PIK3C2G: variants seen among roughly 807,000 people sequenced by gnomAD.
The protein encoded by PIK3C2G is phosphatidylinositol-4-phosphate 3-kinase catalytic subunit type 2 gamma, also known as phosphatidylinositol 3-kinase C2 domain-containing subunit gamma.
In PIK3C2G, 168 loss-of-function variants were observed where a neutral mutation model predicts 181.1. The ratio of observed to expected loss-of-function variants is 0.93; its 90% CI spans 0.82 to 1.05. The LOEUF (loss-of-function observed/expected upper bound fraction) is 1.05, where lower values mean the gene tolerates loss of function less well. PIK3C2G is among the 50% of genes least tolerant of loss of function. The pLI is 0.00. For missense variants in PIK3C2G, 1,869 were observed against 1,732.8 expected (o/e 1.08, Z -1.40); for synonymous variants, 573 against 592.2 (o/e 0.97, Z 0.47).
chr12:18,476,872 A>G (rs1163071052), intron 18 of PIK3C2G, among the ~76,000 whole-genome samples: 2 of 145,144 alleles, frequency 1.4e-5, no homozygotes, highest in South Asian at 2.1e-4. Flanking sequence ...GTCTGGATTG[A>G]AAAAAAAAAA....
At chr12:18,641,728 C>A (rs937271188) in intron 32 of PIK3C2G, among the ~76,000 whole-genome samples, 2 of 138,894 alleles carry the variant, frequency 1.4e-5, no homozygotes, top group African/African-American at 5.6e-5. Context: ...AAAACCCTGG[C>A]TTCTCTCTCT....
At chr12:18,723,573 T>G in the PIK3C2G span, 1 of 1,512,126 alleles carries the variant, frequency 6.6e-7, no homozygotes, top group Non-Finnish European at 9.2e-7. Context: ...GGGCTCACAT[T>G]GTGAGTATAA....
At chr12:18,339,073 C>T (rs1363620760) in intron 9 of PIK3C2G, among the ~76,000 whole-genome samples, 1 of 152,030 alleles carries the variant, frequency 6.6e-6, no homozygotes, top group South Asian at 2.1e-4. Flanking sequence ...GTGTGACTTT[C>T]TATGGATCCC....
the PIK3C2G span, chr12:18,684,060 A>AT: frequency 4.5e-6 from 7 of 1,548,014 alleles, no homozygotes; most frequent in African/African-American, 9.5e-5. Flanking sequence ...TGGTATGTCA[A>AT]AATGTGTCTT....
At chr12:18,613,207 C>T (rs1948431513) in intron 31 of PIK3C2G, among the ~76,000 whole-genome samples, 1 of 151,934 alleles carries the variant, frequency 6.6e-6, no homozygotes, top group African/African-American at 2.4e-5. Flanking sequence ...AGTTTCTAGG[C>T]TGCTCTCTTC....
In PIK3C2G at chr12:18,505,329, G is replaced by A. The variant is rs373022340; in HGVS notation, c.3191G>A (p.Cys1064Tyr). The A allele has an allele frequency of 4.7e-5, 75 of 1,611,836 alleles. No homozygotes were observed. The highest frequency in any genetic ancestry group is 6.0e-5 in the Non-Finnish European group (71 of 1,178,754). Reference sequence around the variant, plus strand: ...TTTTTCTACTCCTGTGCTGGCTGGTGTGTGGTAACATTCATCCTGGGAGTA... The same window carrying A: ...TTTTTCTACTCCTGTGCTGGCTGGTATGTGGTAACATTCATCCTGGGAGTA... Reference protein sequence around the residue: ...RNFFYSCAGWCVVTFILGVCD... With the variant: ...RNFFYSCAGWYVVTFILGVCD... The change falls in exon 24 of 33, where the codon TGT becomes TAT. Residue 1064 changes from cysteine to tyrosine, a missense_variant. Transcript: ENST00000538779.
intron 11 of PIK3C2G, among the ~76,000 whole-genome samples, chr12:18,352,955 G>C (rs1940366129): frequency 6.6e-6 from 1 of 152,142 alleles, no homozygotes; most frequent in South Asian, 2.1e-4. Context: ...GTGGACCCTG[G>C]GGTTTTTCTG....
At chr12:18,537,496 G>A (rs76287652) in intron 24 of PIK3C2G, among the ~76,000 whole-genome samples, 1,896 of 152,132 alleles carry the variant, frequency 0.012, 18 homozygotes, top group Non-Finnish European at 0.019. Context: ...GGGGACGTGG[G>A]ACCATCTTCT....
At chr12:18,425,046 G>C in intron 18 of PIK3C2G, 1 of 181,504 alleles carries the variant, frequency 5.5e-6, no homozygotes, top group Non-Finnish European at 1.2e-5. Flanking sequence ...TGCTGATGAT[G>C]ATTCAGCAGA....
upstream of PIK3C2G, among the ~76,000 whole-genome samples, chr12:18,259,309 T>C (rs1948179741): frequency 6.6e-6 from 1 of 152,034 alleles, no homozygotes; most frequent in Admixed American, 6.6e-5. Context: ...AGATGGAAAA[T>C]GTGGAGCATG....
At position 18,483,274 on chromosome 12, in the gene PIK3C2G, A is replaced by G. The variant is rs74836567; in HGVS notation, c.2505-5175A>G. ...AGCCCTGTGTTATGTAAACCCTAAA[A>G]AAGTTTGCCTTTGCCCTGTTGCACT... On this transcript the variant is annotated intron_variant, in intron 18 of 32. Coordinates refer to ENST00000538779, the MANE Select transcript of PIK3C2G (RefSeq NM_001288772.2). Among the ~76,000 whole-genome samples the G allele has an allele frequency of 4.7e-3, 721 of 152,274 alleles. 3 individuals are homozygous for G. The highest frequency in any genetic ancestry group is 0.016 in the African/African-American group (682 of 41,562).
rs763161453 is a variant in PIK3C2G at position 18,282,326 on chromosome 12, A to G, written c.245A>G (p.His82Arg). 1.3e-5 allele frequency: 21 copies of G among 1,613,496 alleles called. No homozygotes were observed. The Admixed American group carries it at 2.8e-4, about 22-fold the overall frequency. The change falls in exon 2 of 33, where the codon CAC becomes CGC. Residue 82 changes from histidine to arginine, a missense_variant. By Grantham distance (29) the His-to-Arg change is conservative. Coordinates refer to ENST00000538779, the MANE Select transcript of PIK3C2G (RefSeq NM_001288772.2). Reference sequence around the variant, plus strand: ...ACAGGGCATTCATTAAATGAAGCACACCAAATATCCTTGAATGAATTCACT... The same window carrying G: ...ACAGGGCATTCATTAAATGAAGCACGCCAAATATCCTTGAATGAATTCACT... ...DSTGHSLNEA[H>R]QISLNEFTSK... is the part of the protein sequence containing the mutation.
intron 6 of PIK3C2G, among the ~76,000 whole-genome samples, chr12:18,316,542 A>T (rs1223506309): frequency 6.6e-6 from 1 of 152,066 alleles, no homozygotes; most frequent in Non-Finnish European, 1.5e-5. Context: ...AGTAAATATC[A>T]CCAATTCTTG....
intron 5 of PIK3C2G, among the ~76,000 whole-genome samples, chr12:18,303,463 G>A (rs931247081): frequency 1.8e-4 from 28 of 151,884 alleles, no homozygotes; most frequent in Non-Finnish European, 3.2e-4. Context: ...AGCCTCCAGA[G>A]TAGCTGGGAT....
rs1435428553 is a variant in PIK3C2G, at chr12:18,427,358, T to G, written c.2504+3319T>G. Among the ~76,000 whole-genome samples the G allele has an allele frequency of 2.6e-5, 4 of 151,128 alleles. No individual in the cohort carries two copies. In the East Asian group the frequency reaches 7.8e-4, roughly 29 times the overall value. On this transcript the variant is annotated intron_variant, in intron 18 of 32. Coordinates refer to ENST00000538779, the MANE Select transcript of PIK3C2G (RefSeq NM_001288772.2). ...CCCATTTCTACTAAAAATACAAAAATTAGCCGGGCCTGGTGGCGGGCGCCT... is the reference window on the plus strand; with the variant it reads ...CCCATTTCTACTAAAAATACAAAAAGTAGCCGGGCCTGGTGGCGGGCGCCT...
chr12:18,502,277 C>T (rs1941542711), intron 22 of PIK3C2G, among the ~76,000 whole-genome samples: 1 of 152,160 alleles, frequency 6.6e-6, no homozygotes, highest in Non-Finnish European at 1.5e-5. Flanking sequence ...TTTTGTTTAT[C>T]ACCACCATAA....
At chr12:18,292,227 A>AAAAAAAAAAAAAAAAAT in intron 4 of PIK3C2G, among the ~76,000 whole-genome samples, 3 of 48,748 alleles carry the variant, frequency 6.2e-5, no homozygotes, top group Non-Finnish European at 6.7e-5. Context: ...AAAAAAAAAA[A>AAAAAAAAAAAAAAAAAT]ATATATATAT....
intron 32 of PIK3C2G, among the ~76,000 whole-genome samples, chr12:18,643,705 C>T (rs897201710): frequency 7.2e-5 from 11 of 151,844 alleles, no homozygotes; most frequent in African/African-American, 2.7e-4. Context: ...TGTGTGCAAC[C>T]TCAAGAGCAC....
chr12:18,273,151 C>T (rs1228163104), intron 1 of PIK3C2G, among the ~76,000 whole-genome samples: 1 of 152,152 alleles, frequency 6.6e-6, no homozygotes, highest in Non-Finnish European at 1.5e-5. Flanking sequence ...AATTCTAATA[C>T]AGTCACTTAT....
Sources: gnomAD v4.1 joint callset for allele counts (sites outside exome capture counted in the v4.1 genomes callset) on GRCh38, gnomAD v4.1.1 for gene constraint, MANE v1.5 for transcripts, NCBI Gene and HGNC (gene_info 2026-07-23, HGNC 2026-07-21) for gene names.